The following PPP2R5C variants were observed in gnomAD, a reference collection of about 807,000 sequenced individuals.
PPP2R5C encodes the protein protein phosphatase 2 regulatory subunit B'gamma, also known as serine/threonine-protein phosphatase 2A 56 kDa regulatory subunit gamma isoform.
Under a neutral mutation model 68.9 loss-of-function variants are expected in PPP2R5C, and 7 were observed. The ratio of observed to expected loss-of-function variants is 0.10; its 90% confidence interval spans 0.06 to 0.19. The LOEUF (loss-of-function observed/expected upper bound fraction) is 0.19. Among genes scored for constraint, PPP2R5C ranks in the 10% least tolerant of loss-of-function variants. The probability of loss-of-function intolerance (pLI) is 1.00; values close to 1 mark genes in which losing one functional copy is unlikely to be tolerated. For missense variants in PPP2R5C, 348 were observed against 641.3 expected (o/e 0.54, Z 4.94); for synonymous variants, 210 against 222.2 (o/e 0.95, Z 0.49).
intron 2 of PPP2R5C, among the ~76,000 whole-genome samples, chr14:101,865,253 C>G: frequency 6.6e-6 from 1 of 152,228 alleles, no homozygotes; most frequent in East Asian, 1.9e-4. Flanking sequence ...CAGGCAGACA[C>G]TGGGTCTCTC....
chr14:101,873,550 TGGGAACAGA>T (rs2043557414), intron 2 of PPP2R5C, among the ~76,000 whole-genome samples: 2 of 152,176 alleles, frequency 1.3e-5, no homozygotes, highest in Non-Finnish European at 2.9e-5. Flanking sequence ...ATCTGGTTGG[TGGGAACAGA>T]CACTGTTCCC....
upstream of PPP2R5C, among the ~76,000 whole-genome samples, chr14:101,761,390 G>C (rs929691465): frequency 2.0e-5 from 3 of 151,930 alleles, no homozygotes; most frequent in African/African-American, 7.2e-5. Flanking sequence ...AGTCGGCTCA[G>C]CTCTGCTCAG....
intron 9 of PPP2R5C, 38 bp downstream of exon 11, chr14:101,901,927 G>C: frequency 6.3e-7 from 1 of 1,590,838 alleles, no homozygotes; most frequent in South Asian, 1.1e-5. Context: ...AATTCTTCCA[G>C]TGTTCATTTG....
intron 5 of PPP2R5C, among the ~76,000 whole-genome samples, chr14:101,886,660 A>T (rs1027537428): frequency 7.3e-5 from 11 of 151,476 alleles, no homozygotes; most frequent in African/African-American, 2.4e-4. Flanking sequence ...TCATGTGAGG[A>T]AAAAAAAAGA....
intron 3 of PPP2R5C, among the ~76,000 whole-genome samples, chr14:101,799,745 G>A (rs904141061): frequency 2.0e-5 from 3 of 152,216 alleles, no homozygotes; most frequent in African/African-American, 7.2e-5. Flanking sequence ...GAGACAGGGA[G>A]TCAACCTCCT....
Position 101,762,953 on chromosome 14 carries a change from GAC to G in PPP2R5C, c.80_81del (p.Thr27SerfsTer23). The G allele has an allele frequency of 1.3e-6, 2 of 1,578,852 alleles. No individual in the cohort carries two copies. Among genetic ancestry groups the G allele is most frequent in the African/African-American group, 1.3e-5 (1 of 74,306 alleles). ...TGGAAAAAGTTCAAAAGAAGGACAA[GAC>G]ACAGTAGAATCAGAGGTAACTGTCA... On this transcript the variant is annotated frameshift_variant, in exon 2 of 15. Coordinates refer to the PPP2R5C transcript ENST00000328724. LOFTEE classifies it high-confidence loss of function.
chr14:101,883,926 C>A (rs906190409), intron 5 of PPP2R5C, among the ~76,000 whole-genome samples: 1 of 152,148 alleles, frequency 6.6e-6, no homozygotes, highest in African/African-American at 2.4e-5. Flanking sequence ...AAGGACAGGA[C>A]GCATAGGATA....
intron 2 of PPP2R5C, among the ~76,000 whole-genome samples, chr14:101,868,544 A>ACCTTC (rs1216888465): frequency 1.3e-5 from 2 of 152,190 alleles, no homozygotes; most frequent in Non-Finnish European, 2.9e-5. Flanking sequence ...TGATTATATG[A>ACCTTC]TTGTTTCACA....
chr14:101,810,838 C>A (rs2039317345), intron 1 of PPP2R5C, among the ~76,000 whole-genome samples: 1 of 152,164 alleles, frequency 6.6e-6, no homozygotes, highest in Non-Finnish European at 1.5e-5. Context: ...TTATATTGAA[C>A]TACAGGCATC....
intron 5 of PPP2R5C, 69 bp downstream of exon 7, chr14:101,883,631 A>AC: frequency 6.4e-7 from 1 of 1,554,678 alleles, no homozygotes; most frequent in Non-Finnish European, 8.8e-7. Flanking sequence ...ATGCTCCCCT[A>AC]CCCCATCGTC....
chr14:101,859,519 T>G (rs2042631854), intron 2 of PPP2R5C, among the ~76,000 whole-genome samples: 1 of 152,256 alleles, frequency 6.6e-6, no homozygotes, highest in African/African-American at 2.4e-5. Context: ...CTTGTTTGTC[T>G]GGATCTGGAG....
chr14:101,883,525 G>T (rs2044290736), exon 5 of PPP2R5C: 1 of 1,613,554 alleles, frequency 6.2e-7, no homozygotes, highest in African/African-American at 1.3e-5. Context: ...AGGCTTGAGA[G>T]CTTACATCAG....
At chr14:101,893,902 G>A (rs1006346394) in intron 7 of PPP2R5C, among the ~76,000 whole-genome samples, 5 of 152,210 alleles carry the variant, frequency 3.3e-5, no homozygotes, top group South Asian at 2.1e-4. Context: ...TGCAGTGGGC[G>A]TCTTTGTTCA....
intron 1 of PPP2R5C, among the ~76,000 whole-genome samples, chr14:101,854,119 G>A (rs2140541203): frequency 6.6e-6 from 1 of 152,320 alleles, no homozygotes; most frequent in Non-Finnish European, 1.5e-5. Flanking sequence ...TGTAATGACA[G>A]TTACTCGTTT....
rs932762134 is a variant in PPP2R5C, at chr14:101,916,858, C to T, written c.1327-973C>T. Among the ~76,000 whole-genome samples the T allele has an allele frequency of 3.3e-5, 5 of 152,168 alleles. No homozygotes were observed. In the East Asian group the frequency reaches 7.7e-4, roughly 24 times the overall value. ...TGAGAGCAGCCTGGGCAGGAACCCC[C>T]GCTCCCCTCTCCTGAACTCAGAGGC... On this transcript the variant is annotated intron_variant, in intron 12 of 13. Coordinates refer to ENST00000334743, the Ensembl canonical transcript of PPP2R5C. The surrounding 1 kb of genome is among the most constrained non-coding windows in gnomAD (Gnocchi z 5.5).
chr14:101,840,276 G>A (rs901510943), intron 1 of PPP2R5C, among the ~76,000 whole-genome samples: 8 of 151,996 alleles, frequency 5.3e-5, no homozygotes, highest in African/African-American at 1.7e-4. Context: ...TCAAGTTCCT[G>A]AAAGAAGCAT....
Position 101,797,047 on chromosome 14 carries a change from T to C in PPP2R5C, c.259+10864T>C, listed in dbSNP as rs1705918536. On this transcript the variant is annotated intron_variant, in intron 3 of 14. Transcript: ENST00000328724. This position sits in a 1 kb window ranked among gnomAD's most constrained non-coding sequence, Gnocchi z 4.2. ...TCACTACTATCTCTACCCAAAACTTTTCATCATCCCCAACAAAAACTCCAT... is the reference window on the plus strand; with the variant it reads ...TCACTACTATCTCTACCCAAAACTTCTCATCATCCCCAACAAAAACTCCAT... 1 of 420,252 alleles carries C rather than the reference T, an allele frequency of 2.4e-6. No individual in the cohort carries two copies. Among genetic ancestry groups the C allele is most frequent in the African/African-American group, 2.0e-5 (1 of 49,422 alleles). 26.0% of individuals were successfully genotyped at this position (420,252 alleles called of 1,614,324 possible).
chr14:101,793,845 G>T (rs1163799736), intron 3 of PPP2R5C, among the ~76,000 whole-genome samples: 2 of 152,228 alleles, frequency 1.3e-5, no homozygotes, highest in Non-Finnish European at 2.9e-5. Flanking sequence ...AGCTAAAAAG[G>T]AGACAGAGTG....
At chr14:101,854,808 T>C (rs2042327931) in intron 1 of PPP2R5C, among the ~76,000 whole-genome samples, 1 of 152,218 alleles carries the variant, frequency 6.6e-6, no homozygotes, top group Non-Finnish European at 1.5e-5. Flanking sequence ...TTTAAACATG[T>C]ATTTATTAAT....
Sources: allele counts gnomAD v4.1 joint callset (sites outside exome capture counted in the v4.1 genomes callset), GRCh38; gene constraint gnomAD v4.1.1; non-coding constraint Gnocchi (gnomAD v3.1); transcripts MANE v1.5; gene names NCBI Gene and HGNC (gene_info 2026-07-23, HGNC 2026-07-21).